GAREM1: variants seen among roughly 807,000 people sequenced by gnomAD.
The protein encoded by GAREM1 is GRB2 associated regulator of MAPK1 subtype 1, also known as GRB2-associated and regulator of MAPK protein 1.
In GAREM1, 26 loss-of-function variants were observed where a neutral mutation model predicts 71.3. The observed-to-expected ratio is 0.36, with a 90% CI of 0.27 to 0.51. The LOEUF (loss-of-function observed/expected upper bound fraction) is 0.51. Ranked by LOEUF, GAREM1 falls within the 20% of genes least tolerant of loss-of-function variation. The pLI is 0.95. For synonymous variants in GAREM1, 440 were observed against 433.2 expected (o/e 1.02, Z -0.20); for missense variants, 1,026 against 1,103.1 (o/e 0.93, Z 0.99).
intron 1 of GAREM1, 149 bp from the exon 2 acceptor site, chr18:32,393,184 T>G (rs2048219829): frequency 2.9e-6 from 2 of 680,830 alleles, no homozygotes; most frequent in East Asian, 2.9e-5. Context: ...TGAATTGTTT[T>G]TTTTTTTTTT....
At chr18:32,462,280 C>G (rs2048959876) in intron 1 of GAREM1, among the ~76,000 whole-genome samples, 1 of 152,198 alleles carries the variant, frequency 6.6e-6, no homozygotes, top group Non-Finnish European at 1.5e-5. Flanking sequence ...TCTCCACATC[C>G]TTGCCAACAC....
At chr18:32,408,783 T>G (rs2048388758) in intron 1 of GAREM1, among the ~76,000 whole-genome samples, 1 of 152,136 alleles carries the variant, frequency 6.6e-6, no homozygotes, top group Non-Finnish European at 1.5e-5. Flanking sequence ...CAACTTAACT[T>G]TTGGGAGTAG....
intron 2 of GAREM1, among the ~76,000 whole-genome samples, chr18:32,387,551 A>T (rs1487864652): frequency 7.9e-5 from 12 of 152,182 alleles, no homozygotes; most frequent in African/African-American, 2.9e-4. Flanking sequence ...ACACTATGTC[A>T]ATTTTTCTTA....
At chr18:32,379,215 T>C (rs1307419859) in intron 2 of GAREM1, among the ~76,000 whole-genome samples, 1 of 152,026 alleles carries the variant, frequency 6.6e-6, no homozygotes, top group East Asian at 1.9e-4. Context: ...TACTTACTAT[T>C]ATGTGTCTTA....
chr18:32,303,119 T>C (rs1347113277), intron 3 of GAREM1, among the ~76,000 whole-genome samples: 1 of 152,242 alleles, frequency 6.6e-6, no homozygotes, highest in Non-Finnish European at 1.5e-5. Context: ...ATGAAGCCAA[T>C]GTAAACTTGT....
intron 2 of GAREM1, among the ~76,000 whole-genome samples, chr18:32,364,871 CACAG>C (rs1051203245): frequency 4.8e-5 from 7 of 144,380 alleles, no homozygotes; most frequent in South Asian, 2.1e-4. Context: ...CATATAAGAG[CACAG>C]ACACACACAC....
chr18:32,310,422 G>GT, intron 2 of GAREM1, 99 bp from the exon 3 acceptor site: 1 of 1,206,386 alleles, frequency 8.3e-7, no homozygotes, highest in Non-Finnish European at 1.2e-6. Flanking sequence ...CCCTTTTTTT[G>GT]TCAAAGATTC....
intron 1 of GAREM1, among the ~76,000 whole-genome samples, chr18:32,399,156 T>G (rs567519611): frequency 1.3e-5 from 2 of 152,178 alleles, no homozygotes; most frequent in Admixed American, 6.5e-5. Context: ...AATTAGGTAT[T>G]GATGGGAAGT....
intron 2 of GAREM1, among the ~76,000 whole-genome samples, chr18:32,328,547 C>G (rs2047495102): frequency 6.6e-6 from 1 of 152,188 alleles, no homozygotes; most frequent in African/African-American, 2.4e-5. Flanking sequence ...CAGGAGGCAG[C>G]TTCTTCCTCT....
At chr18:32,318,040 G>C (rs1212174498) in intron 2 of GAREM1, among the ~76,000 whole-genome samples, 1 of 152,170 alleles carries the variant, frequency 6.6e-6, no homozygotes, top group Non-Finnish European at 1.5e-5. Flanking sequence ...TCTTGAAAGG[G>C]AGGAAGCTGC....
intron 4 of GAREM1, among the ~76,000 whole-genome samples, chr18:32,272,479 T>C (rs764418944): frequency 1.3e-5 from 2 of 152,156 alleles, no homozygotes; most frequent in African/African-American, 2.4e-5. Flanking sequence ...TCTTCCACAA[T>C]AGACGCAGGC....
At chr18:32,369,672 T>C (rs2047958390) in intron 2 of GAREM1, among the ~76,000 whole-genome samples, 1 of 152,184 alleles carries the variant, frequency 6.6e-6, no homozygotes, top group Non-Finnish European at 1.5e-5. Context: ...AGGTCAGGTA[T>C]CATTCAAGCA....
At chr18:32,436,625 A>G (rs2048681738) in intron 1 of GAREM1, among the ~76,000 whole-genome samples, 1 of 152,232 alleles carries the variant, frequency 6.6e-6, no homozygotes, top group Non-Finnish European at 1.5e-5. Context: ...CTTCATTATT[A>G]GGAGTGTTTA....
At chr18:32,427,552 C>T (rs990620612) in intron 1 of GAREM1, among the ~76,000 whole-genome samples, 2 of 152,100 alleles carry the variant, frequency 1.3e-5, no homozygotes, top group Non-Finnish European at 2.9e-5. Context: ...TCAGAAGCAT[C>T]GACAGAAAAG....
Position 32,417,739 on chromosome 18 carries a change from G to T in GAREM1, c.122-24704C>A, listed in dbSNP as rs547118952. ...AGAGGTTGGGAAAGGTAGTGGGGGT[G>T]GGAGGAAGGTGGGGATGGTTAATGG... On this transcript the variant is annotated intron_variant, in intron 1 of 5. Transcript: ENST00000269209. 2.6e-5 allele frequency among the ~76,000 whole-genome samples: 4 copies of T among 152,152 alleles called. No individual in the cohort carries two copies. In the South Asian group the frequency reaches 8.3e-4, roughly 32 times the overall value.
At chr18:32,274,734 A>T (rs1478136396) in intron 4 of GAREM1, among the ~76,000 whole-genome samples, 1 of 151,946 alleles carries the variant, frequency 6.6e-6, no homozygotes, top group Non-Finnish European at 1.5e-5. Flanking sequence ...TGCCCACCAC[A>T]CCTAAACACC....
At chr18:32,364,028 GT>G (rs1157200391) in intron 2 of GAREM1, among the ~76,000 whole-genome samples, 43 of 21,668 alleles carry the variant, frequency 2.0e-3, no homozygotes, top group African/African-American at 4.1e-3. Flanking sequence ...ATATATATAT[GT>G]TTTTTTTTTT....
At chr18:32,416,784 T>G (rs1161170016) in intron 1 of GAREM1, among the ~76,000 whole-genome samples, 3 of 152,080 alleles carry the variant, frequency 2.0e-5, no homozygotes, top group Admixed American at 1.3e-4. Context: ...AAGAAAACAC[T>G]GGGGAAAGTC....
chr18:32,368,675 G>T (rs898673112), intron 2 of GAREM1, among the ~76,000 whole-genome samples: 14 of 152,178 alleles, frequency 9.2e-5, no homozygotes, highest in African/African-American at 3.4e-4. Context: ...TTTAATGAAT[G>T]AAATGCATCT....
Sources: allele counts gnomAD v4.1 joint callset (sites outside exome capture counted in the v4.1 genomes callset), GRCh38; gene constraint gnomAD v4.1.1; transcripts MANE v1.5; gene names NCBI Gene and HGNC (gene_info 2026-07-23, HGNC 2026-07-21).